The following PTPRO variants were observed in gnomAD, a reference collection of about 807,000 sequenced individuals.
PTPRO encodes protein tyrosine phosphatase receptor type O.
Under a neutral mutation model 145.2 loss-of-function variants are expected in PTPRO, and 62 were observed. That is an observed-to-expected ratio of 0.43 (90% CI 0.35 to 0.53). The LOEUF (loss-of-function observed/expected upper bound fraction) is 0.53, where lower values mean the gene tolerates loss of function less well. Among genes scored for constraint, PTPRO ranks in the 20% least tolerant of loss-of-function variants. The pLI is 0.01. For synonymous variants in PTPRO, 565 were observed against 514.7 expected (o/e 1.10, Z -1.32); for missense variants, 1,345 against 1,482.7 (o/e 0.91, Z 1.53).
chr12:15,550,143 C>T (rs1407354927), intron 14 of PTPRO, among the ~76,000 whole-genome samples: 3 of 152,178 alleles, frequency 2.0e-5, no homozygotes, highest in Non-Finnish European at 4.4e-5. Context: ...TCATAGGCTA[C>T]TGTTGACCTG....
chr12:15,477,831 G>C (rs557227964), intron 1 of PTPRO, among the ~76,000 whole-genome samples: 4 of 152,164 alleles, frequency 2.6e-5, no homozygotes, highest in Admixed American at 2.6e-4. Context: ...AGGGATGAGA[G>C]GGCATCCCAT....
At chr12:15,491,072 C>T (rs910148910) in intron 2 of PTPRO, among the ~76,000 whole-genome samples, 1 of 152,174 alleles carries the variant, frequency 6.6e-6, no homozygotes, top group African/African-American at 2.4e-5. Flanking sequence ...AGACCTACCT[C>T]GCTGGCCTGC....
At chr12:15,497,511 G>A in intron 3 of PTPRO, 108 bp downstream of exon 3, 1 of 1,227,846 alleles carries the variant, frequency 8.1e-7, no homozygotes, top group Non-Finnish European at 1.2e-6. Context: ...TTCACTATTT[G>A]ACCTATAAAT....
chr12:15,332,263 A>G (rs1866635618), intron 1 of PTPRO, among the ~76,000 whole-genome samples: 1 of 152,184 alleles, frequency 6.6e-6, no homozygotes, highest in South Asian at 2.1e-4. Flanking sequence ...TGCTTTGTTT[A>G]TCTTTCCTTT....
chr12:15,413,002 A>T (rs918989648), intron 1 of PTPRO, among the ~76,000 whole-genome samples: 3 of 152,144 alleles, frequency 2.0e-5, no homozygotes, highest in African/African-American at 7.2e-5. Flanking sequence ...CATGTTGGCC[A>T]GGCTGGTCTC....
chr12:15,445,373 G>A (rs1422567656), intron 1 of PTPRO, among the ~76,000 whole-genome samples: 2 of 152,066 alleles, frequency 1.3e-5, no homozygotes, highest in Admixed American at 6.6e-5. Context: ...GTCTGTTACT[G>A]AGTCCCTAAG....
intron 1 of PTPRO, among the ~76,000 whole-genome samples, chr12:15,366,032 A>G (rs1938349961): frequency 6.6e-6 from 1 of 152,204 alleles, no homozygotes; most frequent in South Asian, 2.1e-4. Context: ...GACTTTAGTA[A>G]CTTGGCAGGA....
intron 23 of PTPRO, among the ~76,000 whole-genome samples, chr12:15,585,773 G>A (rs983535727): frequency 4.6e-5 from 7 of 152,140 alleles, no homozygotes; most frequent in African/African-American, 1.4e-4. Context: ...AGACCTTTAT[G>A]AAGCCTGGGT....
intron 1 of PTPRO, among the ~76,000 whole-genome samples, chr12:15,454,911 T>C (rs1941137120): frequency 6.6e-6 from 1 of 152,172 alleles, no homozygotes; most frequent in Non-Finnish European, 1.5e-5. Context: ...TGTTAACTTC[T>C]ATGCTGTCTA....
At chr12:15,413,333 A>G (rs1431264957) in intron 1 of PTPRO, among the ~76,000 whole-genome samples, 3 of 152,130 alleles carry the variant, frequency 2.0e-5, no homozygotes, top group Non-Finnish European at 4.4e-5. Flanking sequence ...CTGGCCTCAA[A>G]TGAACCCACC....
chr12:15,511,541 T>A (rs1942440649), intron 7 of PTPRO, among the ~76,000 whole-genome samples: 1 of 152,238 alleles, frequency 6.6e-6, no homozygotes. Context: ...AAATTTATTA[T>A]AATGGCATAT....
intron 1 of PTPRO, among the ~76,000 whole-genome samples, chr12:15,413,535 C>T (rs1939860806): frequency 6.6e-6 from 1 of 152,266 alleles, no homozygotes; most frequent in East Asian, 1.9e-4. Flanking sequence ...AAGATGGAGG[C>T]CAGGCACGGT....
At chr12:15,450,765 G>A (rs948485989) in intron 1 of PTPRO, among the ~76,000 whole-genome samples, 3 of 152,064 alleles carry the variant, frequency 2.0e-5, no homozygotes, top group Admixed American at 6.6e-5. Flanking sequence ...AGAGTTACAT[G>A]CTGTCTCAAA....
At chr12:15,354,834 G>A (rs1259306104) in intron 1 of PTPRO, among the ~76,000 whole-genome samples, 2 of 152,128 alleles carry the variant, frequency 1.3e-5, no homozygotes, top group African/African-American at 2.4e-5. Flanking sequence ...AAGCAAATGA[G>A]TTTGATTCCA....
In PTPRO at chr12:15,492,807, G is replaced by A. The variant is rs373818288; in HGVS notation, c.350-4438G>A. Among the ~76,000 whole-genome samples the A allele has an allele frequency of 4.3e-4, 66 of 152,192 alleles. 1 individual carries two copies. The South Asian group carries it at 0.011, about 26-fold the overall frequency. The stretch of plus-strand genomic sequence containing the variant: ...TTGCCTCATAATATAGCACAGTGAG[G>A]CAATTCACAGGCATGGAAGTGGGAG... On this transcript the variant is annotated intron_variant, in intron 2 of 26. Coordinates refer to ENST00000281171, the MANE Select transcript of PTPRO (RefSeq NM_030667.3).
chr12:15,561,531 G>C (rs1454077430), intron 17 of PTPRO, among the ~76,000 whole-genome samples: 2 of 152,214 alleles, frequency 1.3e-5, no homozygotes, highest in South Asian at 4.1e-4. Context: ...AGAGGAATGT[G>C]CTAGATGCTG....
At chr12:15,332,028 T>G (rs545964434) in intron 1 of PTPRO, among the ~76,000 whole-genome samples, 21 of 146,890 alleles carry the variant, frequency 1.4e-4, no homozygotes, top group Admixed American at 1.4e-3. Context: ...TGCAGTGACA[T>G]GATCTAGGCT....
chr12:15,431,827 T>G (rs1940448140), intron 1 of PTPRO, among the ~76,000 whole-genome samples: 1 of 152,214 alleles, frequency 6.6e-6, no homozygotes, highest in Non-Finnish European at 1.5e-5. Context: ...ATTTCTTTTT[T>G]GAACCTGCTT....
At chr12:15,363,730 T>G (rs918137904) in intron 1 of PTPRO, among the ~76,000 whole-genome samples, 1 of 152,126 alleles carries the variant, frequency 6.6e-6, no homozygotes, top group Non-Finnish European at 1.5e-5. Context: ...CTAACCTAGT[T>G]TGATACAACA....
Sources: gnomAD v4.1 joint callset for allele counts (sites outside exome capture counted in the v4.1 genomes callset) on GRCh38, gnomAD v4.1.1 for gene constraint, MANE v1.5 for transcripts, NCBI Gene and HGNC (gene_info 2026-07-23, HGNC 2026-07-21) for gene names.